NKAIN2: variants seen among roughly 807,000 people sequenced by gnomAD.
NKAIN2 encodes the protein sodium/potassium-transporting ATPase subunit beta-1-interacting protein 2.
NKAIN2 carries 14 observed loss-of-function variants against 32.6 expected under a neutral mutation model. The observed-to-expected ratio is 0.43, with a 90% confidence interval of 0.28 to 0.67. The LOEUF (loss-of-function observed/expected upper bound fraction) is 0.67. Ranked by LOEUF, NKAIN2 falls within the 30% of genes least tolerant of loss-of-function variation. The pLI is 0.17. For synonymous variants in NKAIN2, 80 were observed against 87.2 expected (o/e 0.92, Z 0.46); for missense variants, 198 against 258.3 (o/e 0.77, Z 1.60).
chr6:123,843,553 G>A (rs377310007), intron 1 of NKAIN2, among the ~76,000 whole-genome samples: 7 of 152,168 alleles, frequency 4.6e-5, no homozygotes, highest in East Asian at 3.9e-4. Context: ...TCTTTTGGTC[G>A]GGACAACAGG....
intron 1 of NKAIN2, among the ~76,000 whole-genome samples, chr6:123,858,746 T>G: frequency 6.6e-6 from 1 of 152,158 alleles, no homozygotes; most frequent in East Asian, 1.9e-4. Context: ...TTCAGCACAT[T>G]ATTGAAGCGT....
chr6:123,855,892 CTTGT>C (rs1775538036), intron 1 of NKAIN2, among the ~76,000 whole-genome samples: 2 of 152,190 alleles, frequency 1.3e-5, no homozygotes, highest in African/African-American at 4.8e-5. Flanking sequence ...GGCCTTATTA[CTTGT>C]ACCCTGCAGG....
intron 3 of NKAIN2, among the ~76,000 whole-genome samples, chr6:124,379,467 TC>T: frequency 6.6e-6 from 1 of 152,168 alleles, no homozygotes; most frequent in Non-Finnish European, 1.5e-5. Flanking sequence ...TGTAATGAAT[TC>T]CCTGCCTTAT....
chr6:124,809,243 C>T (rs1780756364), intron 5 of NKAIN2, among the ~76,000 whole-genome samples: 1 of 151,076 alleles, frequency 6.6e-6, no homozygotes, highest in South Asian at 2.1e-4. Context: ...TACTACAAGG[C>T]TACAGTAACC....
At chr6:124,508,381 G>A (rs1002109598) in intron 3 of NKAIN2, among the ~76,000 whole-genome samples, 1 of 150,240 alleles carries the variant, frequency 6.7e-6, no homozygotes, top group Admixed American at 6.6e-5. Context: ...GTCTCGCTCT[G>A]TCACCCAGGC....
At chr6:124,810,714 A>T (rs527383154) in intron 5 of NKAIN2, among the ~76,000 whole-genome samples, 2 of 152,214 alleles carry the variant, frequency 1.3e-5, no homozygotes, top group East Asian at 3.9e-4. Context: ...CTGAAAAATA[A>T]GGCCCTAAAA....
chr6:124,291,884 G>T (rs1445061047), intron 2 of NKAIN2, among the ~76,000 whole-genome samples: 9 of 151,944 alleles, frequency 5.9e-5, no homozygotes, highest in Non-Finnish European at 1.0e-4. Flanking sequence ...TAAATAATGA[G>T]TATGCCTTGT....
At chr6:123,882,721 A>G (rs919125155) in intron 1 of NKAIN2, among the ~76,000 whole-genome samples, 5 of 152,228 alleles carry the variant, frequency 3.3e-5, no homozygotes, top group Admixed American at 2.0e-4. Flanking sequence ...ATTTTACAGC[A>G]CAAATTTGTA....
At chr6:124,390,458 G>A (rs893474697) in intron 3 of NKAIN2, among the ~76,000 whole-genome samples, 3 of 152,060 alleles carry the variant, frequency 2.0e-5, no homozygotes, top group Non-Finnish European at 2.9e-5. Flanking sequence ...TGCTTAATAT[G>A]CTATCTGAAC....
intron 3 of NKAIN2, among the ~76,000 whole-genome samples, chr6:124,543,099 C>T (rs536672234): frequency 3.9e-5 from 6 of 152,098 alleles, no homozygotes; most frequent in East Asian, 1.9e-4. Flanking sequence ...ACTATGAAGT[C>T]GAAGGGAATA....
At position 124,779,786 on chromosome 6, in the gene NKAIN2, C is replaced by G. The variant is rs530090614; in HGVS notation, c.475-11553C>G. Among the ~76,000 whole-genome samples the G allele has an allele frequency of 2.0e-5, 3 of 152,258 alleles. No homozygotes were observed. In the East Asian group the frequency reaches 5.8e-4, roughly 29 times the overall value. On this transcript the variant is annotated intron_variant, in intron 4 of 6. Coordinates refer to ENST00000368417, the MANE Select transcript of NKAIN2 (RefSeq NM_001040214.3). ...CAAGCCCCAGAAAAAAAGTGCTACC[C>G]AGATGATTCACAGTCAACCATAGAC... is the stretch of plus-strand genomic sequence containing the variant.
intron 3 of NKAIN2, among the ~76,000 whole-genome samples, chr6:124,356,071 C>T (rs889601619): frequency 6.6e-6 from 1 of 152,166 alleles, no homozygotes; most frequent in Non-Finnish European, 1.5e-5. Flanking sequence ...CTTGTATGTA[C>T]TTCCTCGTAT....
At chr6:124,144,150 G>T (rs1283408366) in intron 1 of NKAIN2, among the ~76,000 whole-genome samples, 2 of 152,136 alleles carry the variant, frequency 1.3e-5, no homozygotes, top group Non-Finnish European at 2.9e-5. Context: ...AATCTGAAAA[G>T]AATTTTTATG....
chr6:124,280,307 G>C (rs897823697), intron 1 of NKAIN2, among the ~76,000 whole-genome samples: 15 of 152,160 alleles, frequency 9.9e-5, no homozygotes, highest in African/African-American at 2.9e-4. Flanking sequence ...TGACAAGTAT[G>C]ATCAGAGAGA....
chr6:124,052,494 C>T (rs763195897), intron 1 of NKAIN2, among the ~76,000 whole-genome samples: 17 of 152,076 alleles, frequency 1.1e-4, no homozygotes, highest in Non-Finnish European at 2.4e-4. Flanking sequence ...TGTGTTTCAA[C>T]TGCCTTTCAT....
chr6:123,872,905 A>G (rs1409637514), intron 1 of NKAIN2, among the ~76,000 whole-genome samples: 1 of 152,218 alleles, frequency 6.6e-6, no homozygotes, highest in Non-Finnish European at 1.5e-5. Flanking sequence ...TAAAATTATT[A>G]TTGGTCAATC....
At chr6:123,949,979 A>G (rs1456448688) in intron 1 of NKAIN2, among the ~76,000 whole-genome samples, 1 of 151,962 alleles carries the variant, frequency 6.6e-6, no homozygotes, top group African/African-American at 2.4e-5. Flanking sequence ...TTCATTGCCT[A>G]GTTTGTAGAG....
At chr6:123,815,723 T>C (rs970317175) in intron 1 of NKAIN2, among the ~76,000 whole-genome samples, 4 of 152,140 alleles carry the variant, frequency 2.6e-5, no homozygotes, top group African/African-American at 9.7e-5. Flanking sequence ...TCAGTTATTT[T>C]GAGCTCAGGA....
chr6:124,344,882 G>A (rs958525508), intron 2 of NKAIN2, among the ~76,000 whole-genome samples: 1 of 152,148 alleles, frequency 6.6e-6, no homozygotes, highest in African/African-American at 2.4e-5. Flanking sequence ...GAATAGGAGT[G>A]GTGAGAGAGG....
Sources: allele counts gnomAD v4.1 joint callset (sites outside exome capture counted in the v4.1 genomes callset), GRCh38; gene constraint gnomAD v4.1.1; transcripts MANE v1.5; gene names NCBI Gene and HGNC (gene_info 2026-07-23, HGNC 2026-07-21).